Variants in SOX6 observed in about 807,000 individuals in gnomAD.
SOX6 encodes transcription factor SOX-6.
SOX6 carries 11 observed loss-of-function variants against 97.8 expected under a neutral mutation model. The observed-to-expected ratio is 0.11, with a 90% CI of 0.07 to 0.19. SOX6 has a LOEUF of 0.19. SOX6 is among the 10% of genes least tolerant of loss of function. The pLI, the probability that SOX6 is intolerant of heterozygous loss-of-function variation, is 1.00. For missense variants in SOX6, 810 were observed against 1,039.5 expected (o/e 0.78, Z 3.04); for synonymous variants, 360 against 371.4 (o/e 0.97, Z 0.35).
intron 3 of SOX6, among the ~76,000 whole-genome samples, chr11:16,238,022 C>T (rs1853077048): frequency 6.6e-6 from 1 of 151,716 alleles, no homozygotes; most frequent in Non-Finnish European, 1.5e-5. Flanking sequence ...ATGCTAAAGT[C>T]GTATTGAAAT....
intron 3 of SOX6, among the ~76,000 whole-genome samples, chr11:16,263,898 A>AT (rs1229445574): frequency 6.6e-6 from 1 of 151,940 alleles, no homozygotes; most frequent in Non-Finnish European, 1.5e-5. Flanking sequence ...ACAGTACAAT[A>AT]TTTTTAGTAC....
At chr11:16,585,792 C>T (rs1463893554) in intron 4 of SOX6, among the ~76,000 whole-genome samples, 1 of 150,640 alleles carries the variant, frequency 6.6e-6, no homozygotes, top group African/African-American at 2.4e-5. Flanking sequence ...AAGCAGTCCT[C>T]CCACTTCAAC....
intron 2 of SOX6, among the ~76,000 whole-genome samples, chr11:16,732,311 G>T (rs1219605982): frequency 6.6e-6 from 1 of 152,112 alleles, no homozygotes; most frequent in Non-Finnish European, 1.5e-5. Context: ...AAAGCTGGAG[G>T]CATCACAATA....
chr11:16,422,225 GACATCC>G (rs1185650130), intron 1 of SOX6, among the ~76,000 whole-genome samples: 1 of 152,142 alleles, frequency 6.6e-6, no homozygotes, highest in African/African-American at 2.4e-5. Context: ...AGGAAAAAAA[GACATCC>G]ACTTTTATAT....
chr11:16,194,408 C>A (rs1350472427), intron 4 of SOX6, among the ~76,000 whole-genome samples: 3 of 152,146 alleles, frequency 2.0e-5, no homozygotes, highest in Non-Finnish European at 4.4e-5. Context: ...ATGCTACTGT[C>A]CATTCCTCAG....
intron 3 of SOX6, among the ~76,000 whole-genome samples, chr11:16,712,961 T>C (rs1269749959): frequency 1.3e-5 from 2 of 152,146 alleles, no homozygotes; most frequent in Non-Finnish European, 2.9e-5. Context: ...TTCTCTCCAC[T>C]ATATCATGCT....
chr11:16,458,692 A>C (rs1402715575), intron 1 of SOX6, among the ~76,000 whole-genome samples: 1 of 152,110 alleles, frequency 6.6e-6, no homozygotes, highest in Non-Finnish European at 1.5e-5. Context: ...GCCAAGATGG[A>C]CTAACAGCGA....
intron 1 of SOX6, among the ~76,000 whole-genome samples, chr11:16,388,601 A>G (rs1257832366): frequency 6.6e-6 from 1 of 151,954 alleles, no homozygotes; most frequent in Non-Finnish European, 1.5e-5. Flanking sequence ...AGTTTTAGTA[A>G]GTTTTTTTCT....
chr11:16,429,654 C>T (rs763243482), intron 1 of SOX6, among the ~76,000 whole-genome samples: 1 of 151,944 alleles, frequency 6.6e-6, no homozygotes, highest in Non-Finnish European at 1.5e-5. Flanking sequence ...TAGAGGGGAA[C>T]AACACACACT....
chr11:16,393,329 A>G (rs1858241419), intron 1 of SOX6, among the ~76,000 whole-genome samples: 1 of 152,094 alleles, frequency 6.6e-6, no homozygotes. Flanking sequence ...AAAAAAAGCA[A>G]CAAGATTTGG....
At position 16,460,700 on chromosome 11, in the gene SOX6, G is replaced by A. The variant is rs548555833; in HGVS notation, c.-5+15615C>T. On this transcript the variant is annotated intron_variant, in intron 1 of 15. Transcript: ENST00000396356. ...AGGACAGAATGTGGCAATATAACCA[G>A]GGAGTCATAGTCATCACTTTATCTG... Among the ~76,000 whole-genome samples, 6 of 152,114 alleles carry A rather than the reference G, an allele frequency of 3.9e-5. No individual in the cohort carries two copies. In the East Asian group the frequency reaches 1.2e-3, roughly 29 times the overall value.
chr11:16,201,929 G>A lies in SOX6; in HGVS notation c.536-14974C>T, dbSNP rs577681074. 5.2e-5 allele frequency among the ~76,000 whole-genome samples: 7 copies of A among 135,438 alleles called. 1 individual carries two copies. The highest frequency in any genetic ancestry group is 4.6e-4 in the South Asian group (2 of 4,378). The allele number at this position is 135,438 out of a possible 152,430, so 88.9% of individuals were successfully genotyped here. On this transcript the variant is annotated intron_variant, in intron 4 of 15. Coordinates refer to ENST00000683767, the MANE Select transcript of SOX6 (RefSeq NM_001367873.1). Reference sequence around the variant, plus strand: ...ATTACAGGCGTGAGCCACCGCGCCCGGCCTGCAAAGTATTTTTAAGAGAGA... The same window carrying A: ...ATTACAGGCGTGAGCCACCGCGCCCAGCCTGCAAAGTATTTTTAAGAGAGA...
intron 6 of SOX6, among the ~76,000 whole-genome samples, chr11:16,135,706 T>C (rs955744213): frequency 2.0e-5 from 3 of 152,232 alleles, no homozygotes; most frequent in Non-Finnish European, 4.4e-5. Context: ...GATAATCTAC[T>C]GAGTGAAAAT....
chr11:16,716,631 C>CA (rs1848221486), intron 2 of SOX6, among the ~76,000 whole-genome samples: 3 of 151,856 alleles, frequency 2.0e-5, no homozygotes. Flanking sequence ...AAAAAATATA[C>CA]AAAAATGTTC....
intron 6 of SOX6, among the ~76,000 whole-genome samples, chr11:16,154,861 G>A (rs1311512642): frequency 6.6e-6 from 1 of 152,000 alleles, no homozygotes; most frequent in African/African-American, 2.4e-5. Context: ...GTCCTTCAGG[G>A]AGTGTTCAAA....
chr11:16,406,611 T>C (rs953644781), intron 1 of SOX6, among the ~76,000 whole-genome samples: 10 of 152,010 alleles, frequency 6.6e-5, no homozygotes, highest in Non-Finnish European at 1.3e-4. Flanking sequence ...TAAGCTAACA[T>C]CCCATTGGCC....
At chr11:16,196,521 T>C (rs1851777222) in intron 4 of SOX6, among the ~76,000 whole-genome samples, 1 of 152,246 alleles carries the variant, frequency 6.6e-6, no homozygotes, top group African/African-American at 2.4e-5. Context: ...TAGGGAATTA[T>C]CTATGACACT....
intron 6 of SOX6, among the ~76,000 whole-genome samples, chr11:16,146,311 G>T (rs907292426): frequency 2.6e-4 from 39 of 152,194 alleles, no homozygotes; most frequent in Non-Finnish European, 4.3e-4. Context: ...GTAGAAAGCT[G>T]AAACTGGATC....
At chr11:16,137,719 TC>T (rs1850010414) in intron 6 of SOX6, among the ~76,000 whole-genome samples, 1 of 152,210 alleles carries the variant, frequency 6.6e-6, no homozygotes, top group Admixed American at 6.5e-5. Context: ...CCAAATCTCA[TC>T]CTGAATTGTA....
Sources: gnomAD v4.1 joint callset for allele counts (sites outside exome capture counted in the v4.1 genomes callset) on GRCh38, gnomAD v4.1.1 for gene constraint, MANE v1.5 for transcripts, NCBI Gene and HGNC (gene_info 2026-07-23, HGNC 2026-07-21) for gene names.